Variants in DIP2C observed in about 807,000 individuals in gnomAD.
DIP2C encodes the protein disco-interacting protein 2 homolog C.
DIP2C carries 33 observed loss-of-function variants against 192.4 expected under a neutral mutation model. The ratio of observed to expected loss-of-function variants is 0.17; its 90% CI spans 0.13 to 0.23. DIP2C has a LOEUF of 0.23. DIP2C is among the 10% of genes least tolerant of loss of function. The pLI, the probability that DIP2C is intolerant of heterozygous loss-of-function variation, is 1.00. For synonymous variants in DIP2C, 979 were observed against 864.1 expected, an observed-to-expected ratio of 1.13 and a Z score of -2.33; for missense variants, 1,537 against 2,110.1, an observed-to-expected ratio of 0.73 and a Z score of 5.32.
chr10:276,457 C>T lies in DIP2C; in HGVS notation c.*868G>A, dbSNP rs1954523534. 1 of 152,460 alleles carries T rather than the reference C, an allele frequency of 6.6e-6. No individual in the cohort carries two copies. The highest frequency in any genetic ancestry group is 1.5e-5 in the Non-Finnish European group (1 of 68,008). 9.4% of individuals were successfully genotyped at this position (152,460 alleles called of 1,614,324 possible). A position where few individuals can be genotyped will look rare whatever the true frequency, so the allele number is the denominator to read the frequency against. On this transcript the variant is annotated 3_prime_UTR_variant, in exon 37 of 37. Transcript: ENST00000280886. ...TTTGTTCATTAGTGAATTTATATTTCATATATATATATTTGTTGTGATACT... is the reference window on the plus strand; with the variant it reads ...TTTGTTCATTAGTGAATTTATATTTTATATATATATATTTGTTGTGATACT...
chr10:560,112 A>G (rs1849123545), intron 1 of DIP2C, among the ~76,000 whole-genome samples: 1 of 152,098 alleles, frequency 6.6e-6, no homozygotes, highest in Non-Finnish European at 1.5e-5. Flanking sequence ...AGGGAAACCA[A>G]GACAATCATG....
intron 1 of DIP2C, among the ~76,000 whole-genome samples, chr10:593,671 C>T (rs942811202): frequency 6.6e-6 from 1 of 152,118 alleles, no homozygotes; most frequent in Non-Finnish European, 1.5e-5. Flanking sequence ...GCGGGGTCCC[C>T]AGATGCTCTG....
intron 1 of DIP2C, among the ~76,000 whole-genome samples, chr10:533,175 G>A (rs776555637): frequency 6.6e-6 from 1 of 152,148 alleles, no homozygotes; most frequent in African/African-American, 2.4e-5. Flanking sequence ...ACCCTCCCTC[G>A]ACGAAGCCTA....
At chr10:543,465 G>C (rs922776791) in intron 1 of DIP2C, among the ~76,000 whole-genome samples, 1 of 152,208 alleles carries the variant, frequency 6.6e-6, no homozygotes, top group Non-Finnish European at 1.5e-5. Flanking sequence ...CACCACTAAA[G>C]ACCATCTGGG....
In DIP2C at chr10:499,693, A is replaced by G. The variant is rs574024449; in HGVS notation, c.86-13163T>C. On this transcript the variant is annotated intron_variant, in intron 1 of 36. Coordinates refer to ENST00000280886, the MANE Select transcript of DIP2C (RefSeq NM_014974.3). ...GGACAGCATAGGGGAATCCACCCCC[A>G]GGATCCAATCACCTCCCCAGGTTTT... is the stretch of plus-strand genomic sequence containing the variant. Among the ~76,000 whole-genome samples the G allele has an allele frequency of 2.6e-5, 4 of 152,354 alleles. No homozygotes were observed. In the South Asian group the frequency reaches 8.3e-4, roughly 32 times the overall value.
At chr10:617,063 A>G (rs1853517569) in intron 1 of DIP2C, among the ~76,000 whole-genome samples, 1 of 152,192 alleles carries the variant, frequency 6.6e-6, no homozygotes, top group Non-Finnish European at 1.5e-5. Context: ...TAGGCAAGCC[A>G]GGAGCACACA....
intron 1 of DIP2C, among the ~76,000 whole-genome samples, chr10:685,227 C>T (rs890501282): frequency 1.3e-4 from 19 of 145,234 alleles, no homozygotes; most frequent in African/African-American, 5.0e-4. Context: ...CACACAGGTC[C>T]CTCAACCAAC....
intron 1 of DIP2C, among the ~76,000 whole-genome samples, chr10:584,879 A>C (rs1364928787): frequency 7.6e-6 from 1 of 130,824 alleles, no homozygotes; most frequent in Non-Finnish European, 1.6e-5. Flanking sequence ...CCTGACCCCC[A>C]CTCATGCGCA....
At chr10:423,107 C>G in intron 4 of DIP2C, 74 bp from the exon 5 acceptor site, 1 of 1,377,678 alleles carries the variant, frequency 7.3e-7, no homozygotes, top group East Asian at 2.3e-5. Context: ...CCTCGCCAAA[C>G]ACAGATTTAC....
chr10:538,593 A>C (rs889949218), intron 1 of DIP2C, among the ~76,000 whole-genome samples: 1 of 152,190 alleles, frequency 6.6e-6, no homozygotes, highest in Non-Finnish European at 1.5e-5. Context: ...CTGTGCTCTC[A>C]GATCTAAGTC....
chr10:494,368 G>C (rs1031249005), intron 1 of DIP2C, among the ~76,000 whole-genome samples: 2 of 151,662 alleles, frequency 1.3e-5, no homozygotes, highest in Non-Finnish European at 2.9e-5. Flanking sequence ...TCAGCACCGG[G>C]GCCAACAGAG....
At chr10:509,051 C>T (rs879896250) in intron 1 of DIP2C, among the ~76,000 whole-genome samples, 2 of 152,158 alleles carry the variant, frequency 1.3e-5, no homozygotes, top group Non-Finnish European at 1.5e-5. Flanking sequence ...TGTCCTGAAC[C>T]GGCCTGTTCC....
Position 326,125 on chromosome 10 carries a change from T to C in DIP2C, c.3924+881A>G, listed in dbSNP as rs540450667. Reference sequence around the variant, plus strand: ...GAGCCTGGGAGCGGGGGGCAGGGGGTTGAGGCTGCAGTGAGCCATGACGCC... The same window carrying C: ...GAGCCTGGGAGCGGGGGGCAGGGGGCTGAGGCTGCAGTGAGCCATGACGCC... On this transcript the variant is annotated intron_variant, in intron 31 of 36. Transcript: ENST00000280886. Among the ~76,000 whole-genome samples, 4 of 151,972 alleles carry C rather than the reference T, an allele frequency of 2.6e-5. No individual in the cohort carries two copies. The South Asian group carries it at 8.4e-4, about 32-fold the overall frequency.
At chr10:324,741 C>G in intron 31 of DIP2C, 1 of 345,306 alleles carries the variant, frequency 2.9e-6, no homozygotes. Context: ...GTGCTCAACA[C>G]TCCCACGGCG....
At chr10:663,080 A>G (rs995720155) in intron 1 of DIP2C, 1 of 598,948 alleles carries the variant, frequency 1.7e-6, no homozygotes, top group African/African-American at 1.8e-5. Flanking sequence ...CAGTGATACC[A>G]CTCTCCAGTG....
In DIP2C at chr10:349,427, C is replaced by A. The variant is rs768055346; in HGVS notation, c.3013G>T (p.Val1005Leu). The A allele has an allele frequency of 1.4e-5, 23 of 1,609,312 alleles. No individual in the cohort carries two copies. The highest frequency in any genetic ancestry group is 1.9e-5 in the Non-Finnish European group (22 of 1,178,884). ...TTCTCAGCTCTCTTGTGCAGCTGCA[C>A]GCAGGTCAGCGAGTTCGCTATCGCA... is the stretch of plus-strand genomic sequence containing the variant. The part of the protein sequence containing the change: ...RGAIANSLTC[V>L]QLHKRAEKIA... The change falls in exon 25 of 37, where the codon GTG becomes TTG. Residue 1005 changes from valine (V) to leucine (L), a missense_variant. Val to Leu is a conservative substitution (Grantham distance 32, BLOSUM62 1). Transcript: ENST00000280886.
chr10:519,190 G>A (rs1468011487), intron 1 of DIP2C, among the ~76,000 whole-genome samples: 1 of 152,222 alleles, frequency 6.6e-6, no homozygotes, highest in African/African-American at 2.4e-5. Context: ...CGATCTCCTG[G>A]CTGCAGGGTC....
intron 1 of DIP2C, among the ~76,000 whole-genome samples, chr10:542,822 G>A (rs962682728): frequency 3.3e-5 from 5 of 151,790 alleles, no homozygotes; most frequent in African/African-American, 1.2e-4. Context: ...GGGGAGTGGG[G>A]GGTTCTGACC....
chr10:522,803 A>G (rs146576041), intron 1 of DIP2C, among the ~76,000 whole-genome samples: 49 of 152,270 alleles, frequency 3.2e-4, no homozygotes, highest in African/African-American at 1.2e-3. Flanking sequence ...CCTTTTGTAG[A>G]TACGTTCTCC....
Sources: allele counts gnomAD v4.1 joint callset (sites outside exome capture counted in the v4.1 genomes callset), GRCh38; gene constraint gnomAD v4.1.1; transcripts MANE v1.5; gene names NCBI Gene and HGNC (gene_info 2026-07-23, HGNC 2026-07-21).